ZSWIM5: variants seen among roughly 807,000 people sequenced by gnomAD.
The protein encoded by ZSWIM5 is zinc finger SWIM-type containing 5, also known as zinc finger SWIM domain-containing protein 5.
In ZSWIM5, 55 loss-of-function variants were observed where a neutral mutation model predicts 119.6. The ratio of observed to expected loss-of-function variants is 0.46; its 90% CI spans 0.37 to 0.58. The LOEUF is 0.58. ZSWIM5 is among the 20% of genes least tolerant of loss of function. The probability of loss-of-function intolerance (pLI) is 0.00; values close to 1 mark genes in which losing one functional copy is unlikely to be tolerated. For missense variants in ZSWIM5, 1,193 were observed against 1,512.8 expected (o/e 0.79, Z 3.51); for synonymous variants, 537 against 606.9 (o/e 0.88, Z 1.69).
At chr1:45,082,324 T>TAA (rs1206680164) in intron 2 of ZSWIM5, among the ~76,000 whole-genome samples, 26 of 118,590 alleles carry the variant, frequency 2.2e-4, no homozygotes, top group African/African-American at 7.3e-4. Flanking sequence ...AATGATCAAT[T>TAA]AAAAAAAAAA....
intron 2 of ZSWIM5, among the ~76,000 whole-genome samples, chr1:45,083,967 C>T (rs550121614): frequency 1.3e-5 from 2 of 152,148 alleles, no homozygotes; most frequent in South Asian, 4.1e-4. Flanking sequence ...TGGAGTGCAG[C>T]GGTGCAATTT....
chr1:45,141,673 C>A (rs1052474889), intron 1 of ZSWIM5, among the ~76,000 whole-genome samples: 1 of 151,922 alleles, frequency 6.6e-6, no homozygotes, highest in African/African-American at 2.4e-5. Context: ...TAGACTAAAA[C>A]GATTAAAAGT....
chr1:45,046,823 A>T (rs897468511), intron 5 of ZSWIM5, among the ~76,000 whole-genome samples: 8 of 151,956 alleles, frequency 5.3e-5, no homozygotes, highest in Admixed American at 2.0e-4. Context: ...CAAGAGTTCG[A>T]GACCAGCCAG....
At chr1:45,153,325 C>A (rs1326366340) in intron 1 of ZSWIM5, among the ~76,000 whole-genome samples, 21 of 151,568 alleles carry the variant, frequency 1.4e-4, no homozygotes, top group Non-Finnish European at 2.9e-5. Context: ...AGTTCGAGAC[C>A]AGCCTGGCCA....
At chr1:45,192,823 T>C (rs1010604002) in intron 1 of ZSWIM5, among the ~76,000 whole-genome samples, 2 of 152,174 alleles carry the variant, frequency 1.3e-5, no homozygotes, top group African/African-American at 4.8e-5. Context: ...TTTTCTGGCT[T>C]TTTAAAAAAA....
In ZSWIM5 at chr1:45,206,464, G is replaced by A. The variant is rs1422841795; in HGVS notation, c.-114C>T. 28 of 1,207,344 alleles carry A rather than the reference G, an allele frequency of 2.3e-5. No individual in the cohort carries two copies. Among genetic ancestry groups the A allele is most frequent in the Non-Finnish European group, 2.7e-5 (26 of 972,974 alleles). The allele number at this position is 1,207,344 out of a possible 1,614,324, so 74.8% of individuals were successfully genotyped here. ...GCCCAGCGGTGGCGCCGAGGGGGGC[G>A]GGGCGAGAGAACCCGCGAGCCAGCC... On this transcript the variant is annotated 5_prime_UTR_variant, in exon 1 of 14. Transcript: ENST00000359600.
chr1:45,166,373 G>A (rs1420351221), intron 1 of ZSWIM5, among the ~76,000 whole-genome samples: 1 of 152,024 alleles, frequency 6.6e-6, no homozygotes, highest in Non-Finnish European at 1.5e-5. Context: ...TACTGAATGG[G>A]TAAAAACTGG....
chr1:45,048,097 T>G, intron 5 of ZSWIM5, among the ~76,000 whole-genome samples: 1 of 148,934 alleles, frequency 6.7e-6, no homozygotes, highest in Admixed American at 6.7e-5. Flanking sequence ...TTTTTTTTTT[T>G]TTTTGAGACA....
chr1:45,159,378 GATA>G (rs973234945), intron 1 of ZSWIM5, among the ~76,000 whole-genome samples: 35 of 152,102 alleles, frequency 2.3e-4, no homozygotes, highest in African/African-American at 8.2e-4. Flanking sequence ...GTAAAATGAG[GATA>G]ATAATATCAT....
intron 1 of ZSWIM5, among the ~76,000 whole-genome samples, chr1:45,153,660 A>T (rs890337251): frequency 6.6e-6 from 1 of 152,182 alleles, no homozygotes; most frequent in Non-Finnish European, 1.5e-5. Flanking sequence ...CATGGGATCA[A>T]TCTAGGCACT....
chr1:45,185,172 G>A (rs1392519156), intron 1 of ZSWIM5, among the ~76,000 whole-genome samples: 1 of 152,090 alleles, frequency 6.6e-6, no homozygotes, highest in Middle Eastern at 3.4e-3. Flanking sequence ...TTTAATAAAC[G>A]ATGCTGGGAA....
Position 45,027,279 on chromosome 1 carries a change from C to T in ZSWIM5, c.2450-6491G>A, listed in dbSNP as rs11802716. On this transcript the variant is annotated intron_variant, in intron 11 of 13. Coordinates refer to ENST00000359600, the MANE Select transcript of ZSWIM5 (RefSeq NM_020883.2). ...ACTTAGATTTACATTGCTCTTCTTT[C>T]GCTATTTTCCCCAATGTGGAAGTTT... Among the ~76,000 whole-genome samples, 1,149 of 151,890 alleles carry T rather than the reference C, an allele frequency of 7.6e-3. 9 individuals carry two copies. Among genetic ancestry groups the T allele is most frequent in the African/African-American group, 0.026 (1,086 of 41,466 alleles).
intron 3 of ZSWIM5, 79 bp from the exon 4 acceptor site, chr1:45,058,838 A>G: frequency 1.3e-6 from 2 of 1,536,338 alleles, no homozygotes; most frequent in Non-Finnish European, 1.8e-6. Context: ...GGGGAGGGGG[A>G]AGTGAAGATG....
At chr1:45,175,714 A>G (rs766016832) in intron 1 of ZSWIM5, among the ~76,000 whole-genome samples, 8 of 151,740 alleles carry the variant, frequency 5.3e-5, no homozygotes, top group Non-Finnish European at 1.0e-4. Context: ...AGCCTCCCGA[A>G]GTGCTGGGAT....
chr1:45,168,024 C>T (rs1301787575), intron 1 of ZSWIM5, among the ~76,000 whole-genome samples: 1 of 152,080 alleles, frequency 6.6e-6, no homozygotes, highest in Non-Finnish European at 1.5e-5. Context: ...CACATGCACA[C>T]GTATGTTTAC....
chr1:45,076,098 A>G (rs1319737558), intron 2 of ZSWIM5, among the ~76,000 whole-genome samples: 1 of 152,074 alleles, frequency 6.6e-6, no homozygotes, highest in African/African-American at 2.4e-5. Context: ...AGTTGTAGTT[A>G]TTATTTGTGA....
chr1:45,089,020 T>C (rs1645348213), intron 1 of ZSWIM5, among the ~76,000 whole-genome samples: 1 of 152,200 alleles, frequency 6.6e-6, no homozygotes, highest in Non-Finnish European at 1.5e-5. Flanking sequence ...AGTGCAGTGG[T>C]GCAATCTTGG....
chr1:45,158,456 A>G (rs1645844319), intron 1 of ZSWIM5, among the ~76,000 whole-genome samples: 1 of 152,236 alleles, frequency 6.6e-6, no homozygotes, highest in Admixed American at 6.5e-5. Flanking sequence ...GATGTGAGCC[A>G]TCGTGCCTGG....
intron 1 of ZSWIM5, among the ~76,000 whole-genome samples, chr1:45,195,360 C>T (rs1004349462): frequency 6.6e-6 from 1 of 151,930 alleles, no homozygotes; most frequent in Non-Finnish European, 1.5e-5. Flanking sequence ...CCTCAGCACC[C>T]CCAAGTAGCT....
Sources: allele counts gnomAD v4.1 joint callset (sites outside exome capture counted in the v4.1 genomes callset), GRCh38; gene constraint gnomAD v4.1.1; transcripts MANE v1.5; gene names NCBI Gene and HGNC (gene_info 2026-07-23, HGNC 2026-07-21).